The following PEDS1 variants were observed in gnomAD, a reference collection of about 807,000 sequenced individuals.
PEDS1 encodes plasmanylethanolamine desaturase 1.
A neutral mutation model predicts 35.2 loss-of-function variants in PEDS1; 14 were observed. That is an observed-to-expected ratio of 0.40 (90% CI 0.26 to 0.62). The LOEUF is 0.62. Ranked by LOEUF, PEDS1 falls within the 20% of genes least tolerant of loss-of-function variation. The pLI, the probability that PEDS1 is intolerant of heterozygous loss-of-function variation, is 0.44. For missense variants in PEDS1, 260 were observed against 367.8 expected (o/e 0.71, Z 2.40); for synonymous variants, 152 against 152.0 (o/e 1.00, Z 0.00).
intron 1 of PEDS1, among the ~76,000 whole-genome samples, chr20:50,149,296 C>G (rs1327980450): frequency 2.0e-5 from 3 of 152,146 alleles, no homozygotes; most frequent in Non-Finnish European, 4.4e-5. Context: ...CCAAGAGCCT[C>G]TGTAATCCCC....
rs1248888742 is a variant in PEDS1, at chr20:50,128,056, C to G, written c.610G>C (p.Asp204His). ...TTACGTGGCAGGATGACATGCCAGT[C>G]CTGCAGGAGGGTGACCCAGCGTGGC... ...GLPRWVTLLQ[D>H]WHVILPRKHH... Residue 204 changes from aspartate (D) to histidine (H), a missense_variant, in exon 5 of 6, where the codon GAC (aspartate) becomes CAC (histidine). By Grantham distance (81) the Asp-to-His change is moderately conservative. Coordinates refer to ENST00000371652, the MANE Select transcript of PEDS1 (RefSeq NM_199129.4). The surrounding 1 kb of genome is among the most constrained non-coding windows in gnomAD (Gnocchi z 5.2). 8 of 1,614,194 alleles carry G rather than the reference C, an allele frequency of 5.0e-6. No individual in the cohort carries two copies. Among genetic ancestry groups the G allele is most frequent in the Non-Finnish European group, 6.8e-6 (8 of 1,180,030 alleles).
In PEDS1 at chr20:50,141,523, A is replaced by G. The variant is rs2081291342; in HGVS notation, c.241+1979T>C. 2.0e-5 allele frequency among the ~76,000 whole-genome samples: 3 copies of G among 152,234 alleles called. No homozygotes were observed. In the South Asian group the frequency reaches 6.2e-4, roughly 31 times the overall value. On this transcript the variant is annotated intron_variant, in intron 2 of 5. Transcript: ENST00000371652. The stretch of plus-strand genomic sequence containing the variant: ...ACAGCCCTAGGAGGCAGGTACTGCC[A>G]GCAGCCTCATTTACACTGTGGTAAA...
chr20:50,129,628 G>T lies in PEDS1; in HGVS notation c.396C>A (p.Phe132Leu), dbSNP rs542831241. The change falls in exon 4 of 6, where the codon TTC becomes TTA. Residue 132 changes from phenylalanine to leucine, a missense_variant. Coordinates refer to ENST00000371652, the MANE Select transcript of PEDS1 (RefSeq NM_199129.4). This position sits in a 1 kb window ranked among gnomAD's most constrained non-coding sequence, Gnocchi z 4.2. ...GGCAGTTGTCCCCGTTGGTCTCGAT[G>T]AAGTCGTGCCGTGTGATAGCTGTCG... Reference protein sequence around the residue: ...IDPTAITRHDFIETNGDNCLV... With the variant: ...IDPTAITRHDLIETNGDNCLV... 6.2e-7 allele frequency: 1 copy of T among 1,614,126 alleles called. No homozygotes were observed. Among genetic ancestry groups the T allele is most frequent in the Non-Finnish European group, 8.5e-7 (1 of 1,180,032 alleles).
At chr20:50,145,817 G>A (rs550913982) in intron 1 of PEDS1, among the ~76,000 whole-genome samples, 1 of 152,174 alleles carries the variant, frequency 6.6e-6, no homozygotes, top group Non-Finnish European at 1.5e-5. Flanking sequence ...ATTTTATCAT[G>A]GGTGTTTAAA....
chr20:50,139,673 T>C (rs1330515604), intron 2 of PEDS1, among the ~76,000 whole-genome samples: 3 of 143,062 alleles, frequency 2.1e-5, no homozygotes, highest in Non-Finnish European at 4.5e-5. Context: ...ACCCCCGGAT[T>C]TCTTTCTTTT....
At chr20:50,147,281 C>T (rs1189466202) in intron 1 of PEDS1, among the ~76,000 whole-genome samples, 1 of 152,200 alleles carries the variant, frequency 6.6e-6, no homozygotes, top group African/African-American at 2.4e-5. Flanking sequence ...TTTCCTGCTT[C>T]CCTCAACAAC....
intron 1 of PEDS1, among the ~76,000 whole-genome samples, chr20:50,145,728 G>C (rs1466751900): frequency 2.6e-5 from 4 of 152,094 alleles, no homozygotes. Flanking sequence ...AAAACACCAT[G>C]TGGGTGACAT....
Position 50,124,767 on chromosome 20 carries a change from C to A in PEDS1, c.*291G>T. The A allele has an allele frequency of 3.1e-6, 1 of 324,664 alleles. No homozygotes were observed. Among genetic ancestry groups the A allele is most frequent in the Non-Finnish European group, 5.9e-6 (1 of 168,556 alleles). The allele number at this position is 324,664 out of a possible 1,614,324, so 20.1% of individuals were successfully genotyped here. On this transcript the variant is annotated 3_prime_UTR_variant, in exon 6 of 6. Coordinates refer to ENST00000371652, the MANE Select transcript of PEDS1 (RefSeq NM_199129.4). ...TGCCCAGCGGGGCAGGGACGGCAGG[C>A]GTGCAGGGAGTGGGTAAACCTCCTC...
intron 1 of PEDS1, among the ~76,000 whole-genome samples, chr20:50,151,867 T>A (rs6095795): frequency 6.6e-6 from 1 of 150,852 alleles, no homozygotes; most frequent in Non-Finnish European, 1.5e-5. Context: ...TCAAAACAAA[T>A]AAAACAAAAC....
At chr20:50,149,851 G>A (rs541311086) in intron 1 of PEDS1, among the ~76,000 whole-genome samples, 31 of 152,252 alleles carry the variant, frequency 2.0e-4, no homozygotes, top group Admixed American at 6.5e-5. Context: ...ACCCCCACCC[G>A]GCCCAGTCCC....
chr20:50,123,295 C>T lies in PEDS1; in HGVS notation c.*1763G>A, dbSNP rs1187314673. ...TTTTTTTTTTTTCTAAGCGAAGTCT[C>T]GCTCTTATCCCCCAGGTTTGAGTGC... On this transcript the variant is annotated 3_prime_UTR_variant, in exon 6 of 6. Transcript: ENST00000371652. 1.3e-5 allele frequency: 2 copies of T among 150,810 alleles called. No individual in the cohort carries two copies. Among genetic ancestry groups the T allele is most frequent in the Non-Finnish European group, 2.9e-5 (2 of 67,860 alleles). 9.3% of individuals were successfully genotyped at this position (150,810 alleles called of 1,614,324 possible).
intron 2 of PEDS1, among the ~76,000 whole-genome samples, chr20:50,132,302 A>C (rs1430971331): frequency 6.6e-6 from 1 of 152,188 alleles, no homozygotes; most frequent in East Asian, 1.9e-4. Context: ...ATGAATTCTC[A>C]CCATTTGTTT....
chr20:50,142,827 G>C (rs2081307614), intron 2 of PEDS1, among the ~76,000 whole-genome samples: 1 of 151,954 alleles, frequency 6.6e-6, no homozygotes, highest in Non-Finnish European at 1.5e-5. Flanking sequence ...CACCTGGAGT[G>C]AGCCATGTAG....
chr20:50,143,665 C>T (rs780504804), intron 1 of PEDS1, 44 bp from the exon 2 acceptor site: 2 of 1,609,068 alleles, frequency 1.2e-6, no homozygotes, highest in East Asian at 2.2e-5. Flanking sequence ...AAGGTCAAGG[C>T]CAGGCAGAGT....
rs916108356 is a variant in PEDS1, at chr20:50,128,558, C to T, written c.479-371G>A. 5.9e-5 allele frequency among the ~76,000 whole-genome samples: 9 copies of T among 152,196 alleles called. No individual in the cohort carries two copies. The highest frequency in any genetic ancestry group is 1.9e-4 in the African/African-American group (8 of 41,420). ...CCCATCAGGAAAATGGGAATGATGC[C>T]TTCACCCAGGTTCCCTAGAAGCGGA... On this transcript the variant is annotated intron_variant, in intron 4 of 5. Transcript: ENST00000371652. This position sits in a 1 kb window ranked among gnomAD's most constrained non-coding sequence, Gnocchi z 5.2.
intron 2 of PEDS1, among the ~76,000 whole-genome samples, chr20:50,133,885 T>C (rs1032611648): frequency 6.6e-6 from 1 of 152,226 alleles, no homozygotes; most frequent in African/African-American, 2.4e-5. Flanking sequence ...GGCCTGGAAA[T>C]GGCAGCTGTG....
At position 50,129,726 on chromosome 20, in the gene PEDS1, C is replaced by A. The variant is rs751693001; in HGVS notation, c.334-36G>T. ...GGGGGACACAGCCCCAGCAGTCAGC[C>A]TAAGGTGGTCAGCTGCTCTCCACAG... On this transcript the variant is annotated intron_variant, in intron 3 of 5. Transcript: ENST00000371652. This position sits in a 1 kb window ranked among gnomAD's most constrained non-coding sequence, Gnocchi z 4.2. 4 of 1,610,056 alleles carry A rather than the reference C, an allele frequency of 2.5e-6. No homozygotes were observed. The highest frequency in any genetic ancestry group is 3.4e-6 in the Non-Finnish European group (4 of 1,178,456).
intron 1 of PEDS1, among the ~76,000 whole-genome samples, 171 bp from the exon 2 acceptor site, chr20:50,143,792 G>T: frequency 1.3e-5 from 2 of 152,032 alleles, no homozygotes; most frequent in Non-Finnish European, 2.9e-5. Context: ...CCACCTCCCA[G>T]GTTCAATCGA....
At chr20:50,127,943 GAAAGCC>G in intron 5 of PEDS1, 26 bp downstream of exon 5, 1 of 1,603,692 alleles carries the variant, frequency 6.2e-7, no homozygotes, top group Non-Finnish European at 8.5e-7. Flanking sequence ...CTGGGGTGGG[GAAAGCC>G]CATTCCACGC....
Sources: allele counts gnomAD v4.1 joint callset (sites outside exome capture counted in the v4.1 genomes callset), GRCh38; gene constraint gnomAD v4.1.1; non-coding constraint Gnocchi (gnomAD v3.1); transcripts MANE v1.5; gene names NCBI Gene and HGNC (gene_info 2026-07-23, HGNC 2026-07-21).